Variants in PTPN14 observed in about 807,000 individuals in gnomAD.
PTPN14 encodes the protein tyrosine-protein phosphatase non-receptor type 14.
Under a neutral mutation model 126.8 loss-of-function variants are expected in PTPN14, and 53 were observed. The ratio of observed to expected loss-of-function variants is 0.42; its 90% confidence interval spans 0.34 to 0.53. The LOEUF (loss-of-function observed/expected upper bound fraction) is 0.53. PTPN14 is among the 20% of genes least tolerant of loss of function. PTPN14 has a pLI of 0.08. For synonymous variants in PTPN14, 630 were observed against 599.3 expected (o/e 1.05, Z -0.75); for missense variants, 1,257 against 1,552.9 (o/e 0.81, Z 3.20).
At chr1:214,505,521 G>A (rs1410275256) in intron 1 of PTPN14, among the ~76,000 whole-genome samples, 1 of 152,224 alleles carries the variant, frequency 6.6e-6, no homozygotes, top group Non-Finnish European at 1.5e-5. Flanking sequence ...GCTGAGGACG[G>A]AATGGGAGAT....
In PTPN14 at chr1:214,383,573, T is replaced by C; in HGVS notation, c.2282A>G (p.Asn761Ser). ...EYPGPRKSVS[N>S]GALRQDQASL... ...GGCTTGGTCCTGCCTCAGAGCCCCA[T>C]TGCTCACACTCTTCCTTGGACCGGG... Residue 761 changes from asparagine to serine, a missense_variant, in exon 13 of 19, where the codon AAT (asparagine) becomes AGT (serine). This residue lies in a region of PTPN14 where 1,021 missense variants were observed against 1,183.3 expected (regional missense o/e 0.86). Transcript: ENST00000366956. This position sits in a 1 kb window ranked among gnomAD's most constrained non-coding sequence, Gnocchi z 4.4. The C allele has an allele frequency of 1.2e-6, 2 of 1,613,786 alleles. No homozygotes were observed. Among genetic ancestry groups the C allele is most frequent in the Non-Finnish European group, 1.7e-6 (2 of 1,179,942 alleles).
chr1:214,391,907 T>C (rs922759005), intron 10 of PTPN14, among the ~76,000 whole-genome samples: 2 of 152,170 alleles, frequency 1.3e-5, no homozygotes, highest in Non-Finnish European at 2.9e-5. Context: ...ACCTATGTTA[T>C]ATATACCGCC....
At chr1:214,483,125 T>C in intron 1 of PTPN14, 3 of 1,609,560 alleles carry the variant, frequency 1.9e-6, no homozygotes, top group Middle Eastern at 2.2e-4. Context: ...TTGAATGACA[T>C]CTAAAATGCC....
intron 1 of PTPN14, among the ~76,000 whole-genome samples, chr1:214,509,065 T>A (rs1654908842): frequency 6.6e-6 from 1 of 152,188 alleles, no homozygotes. Flanking sequence ...CTCTAGGATT[T>A]GGGGAATGAT....
At chr1:214,470,839 C>G (rs1289426439) in intron 1 of PTPN14, among the ~76,000 whole-genome samples, 2 of 138,104 alleles carry the variant, frequency 1.4e-5, no homozygotes, top group African/African-American at 5.5e-5. Context: ...CATGGCGAAA[C>G]CCCATCTCTA....
intron 3 of PTPN14, among the ~76,000 whole-genome samples, chr1:214,430,406 G>A (rs900777188): frequency 3.9e-5 from 6 of 152,166 alleles, no homozygotes; most frequent in Non-Finnish European, 7.3e-5. Flanking sequence ...ATTTGGCTAG[G>A]CCACGATATC....
At chr1:214,545,567 C>T (rs963940445) in intron 1 of PTPN14, among the ~76,000 whole-genome samples, 2 of 152,116 alleles carry the variant, frequency 1.3e-5, no homozygotes, top group Non-Finnish European at 2.9e-5. Flanking sequence ...CAGCAATGCT[C>T]TTGGAACAAT....
At chr1:214,417,453 G>A (rs1319568073) in intron 3 of PTPN14, among the ~76,000 whole-genome samples, 2 of 152,066 alleles carry the variant, frequency 1.3e-5, no homozygotes, top group African/African-American at 4.8e-5. Flanking sequence ...ACTTATCCAA[G>A]TCACTTCCTC....
chr1:214,507,583 G>A (rs745536414), intron 1 of PTPN14, among the ~76,000 whole-genome samples: 3 of 152,056 alleles, frequency 2.0e-5, no homozygotes, highest in Non-Finnish European at 4.4e-5. Flanking sequence ...CTAGGATTTG[G>A]GGACAGTAGA....
At position 214,520,035 on chromosome 1, in the gene PTPN14, A is replaced by G. The variant is rs1655207214; in HGVS notation, c.-155+31148T>C. ...TGCACTCCAGCCTGAGTGACAGAAAAAAACCCTGTCTCAAAAAAAAAAAAA... is the reference window on the plus strand; with the variant it reads ...TGCACTCCAGCCTGAGTGACAGAAAGAAACCCTGTCTCAAAAAAAAAAAAA... On this transcript the variant is annotated intron_variant, in intron 1 of 18. Transcript: ENST00000366956. Among the ~76,000 whole-genome samples, 4 of 134,024 alleles carry G rather than the reference A, an allele frequency of 3.0e-5. No homozygotes were observed. The South Asian group carries it at 1.0e-3, about 34-fold the overall frequency. 87.9% of individuals were successfully genotyped at this position (134,024 alleles called of 152,430 possible). A position where few individuals can be genotyped will look rare whatever the true frequency, so the allele number is the denominator to read the frequency against.
intron 3 of PTPN14, among the ~76,000 whole-genome samples, chr1:214,430,361 G>A (rs568018293): frequency 3.9e-5 from 6 of 152,100 alleles, no homozygotes; most frequent in African/African-American, 9.7e-5. Context: ...CCCAATTCCA[G>A]GGACATCTCT....
chr1:214,478,373 T>C (rs184938332), intron 1 of PTPN14, among the ~76,000 whole-genome samples: 3 of 152,276 alleles, frequency 2.0e-5, no homozygotes, highest in Admixed American at 6.5e-5. Context: ...CAGAGTAATA[T>C]ATAAGGCAAA....
chr1:214,507,321 C>T (rs1558134130), intron 1 of PTPN14, among the ~76,000 whole-genome samples: 1 of 152,184 alleles, frequency 6.6e-6, no homozygotes, highest in Non-Finnish European at 1.5e-5. Flanking sequence ...CCATCCTTTT[C>T]AGCCCTCCAT....
intron 1 of PTPN14, among the ~76,000 whole-genome samples, chr1:214,514,633 C>T (rs1255986873): frequency 6.6e-6 from 1 of 152,042 alleles, no homozygotes; most frequent in East Asian, 1.9e-4. Flanking sequence ...CCCGGGCAGG[C>T]GGGCGGGGCT....
rs1657717828 is a variant in PTPN14, at chr1:214,352,012, C to T, written c.*5910G>A. The T allele has an allele frequency of 6.6e-6, 1 of 152,204 alleles. No individual in the cohort carries two copies. Among genetic ancestry groups the T allele is most frequent in the African/African-American group, 2.4e-5 (1 of 41,440 alleles). The allele number at this position is 152,204 out of a possible 1,614,324, so 9.4% of individuals were successfully genotyped here. On this transcript the variant is annotated 3_prime_UTR_variant, in exon 19 of 19. Coordinates refer to ENST00000366956, the MANE Select transcript of PTPN14 (RefSeq NM_005401.5). The stretch of plus-strand genomic sequence containing the variant: ...ATGATCCTGATGGCCCAAAGTGTGG[C>T]AGAAGGAGCAATGACTTTCCACACA...
intron 2 of PTPN14, among the ~76,000 whole-genome samples, chr1:214,453,321 C>T (rs1160684275): frequency 6.6e-6 from 1 of 152,150 alleles, no homozygotes; most frequent in African/African-American, 2.4e-5. Context: ...GTTGTTCCAA[C>T]CTGAGTGATG....
intron 2 of PTPN14, among the ~76,000 whole-genome samples, chr1:214,462,669 G>A (rs1389980029): frequency 6.6e-6 from 1 of 152,140 alleles, no homozygotes; most frequent in African/African-American, 2.4e-5. Flanking sequence ...CGCCTTTTGG[G>A]CCTACCCCTG....
chr1:214,468,958 A>G (rs1311920637), intron 1 of PTPN14, among the ~76,000 whole-genome samples: 1 of 152,172 alleles, frequency 6.6e-6, no homozygotes, highest in Non-Finnish European at 1.5e-5. Context: ...ACTTCCTCAG[A>G]GCTAGAAACA....
chr1:214,398,015 A>G lies in PTPN14; in HGVS notation c.670-14T>C. 6.3e-7 allele frequency: 1 copy of G among 1,578,072 alleles called. No homozygotes were observed. The highest frequency in any genetic ancestry group is 8.7e-7 in the Non-Finnish European group (1 of 1,148,300). On this transcript the variant is annotated splice_polypyrimidine_tract_variant and intron_variant, in intron 7 of 18. Transcript: ENST00000366956. The stretch of plus-strand genomic sequence containing the variant: ...TCCATGATTGTCCTGGGTAAGACCA[A>G]CAAAAGATACTTGTGATGACCCATG...
Sources: gnomAD v4.1 joint callset for allele counts (sites outside exome capture counted in the v4.1 genomes callset) on GRCh38, gnomAD v4.1.1 for gene constraint, gnomAD v4.1.1 regional missense constraint, Gnocchi (gnomAD v3.1) non-coding constraint, MANE v1.5 for transcripts, NCBI Gene and HGNC (gene_info 2026-07-23, HGNC 2026-07-21) for gene names.